Variants in FBXW7 observed in about 807,000 individuals in gnomAD.
The protein encoded by FBXW7 is F-box/WD repeat-containing protein 7.
In FBXW7, 11 loss-of-function variants were observed where a neutral mutation model predicts 86.3. The observed-to-expected ratio is 0.13, with a 90% CI of 0.08 to 0.21. FBXW7 has a LOEUF of 0.21. Among genes scored for constraint, FBXW7 ranks in the 10% least tolerant of loss-of-function variants. The probability of loss-of-function intolerance (pLI) is 1.00; values close to 1 mark genes in which losing one functional copy is unlikely to be tolerated. For synonymous variants in FBXW7, 313 were observed against 297.9 expected (o/e 1.05, Z -0.52); for missense variants, 488 against 847.4 (o/e 0.58, Z 5.27).
intron 2 of FBXW7, among the ~76,000 whole-genome samples, chr4:152,477,980 G>C (rs1213202192): frequency 1.3e-5 from 2 of 151,866 alleles, no homozygotes; most frequent in Non-Finnish European, 2.9e-5. Context: ...TTTCAAAGAG[G>C]CAGCAATGAA....
chr4:152,362,407 C>G (rs552848948), intron 4 of FBXW7, among the ~76,000 whole-genome samples: 1 of 152,188 alleles, frequency 6.6e-6, no homozygotes, highest in Admixed American at 6.5e-5. Context: ...TCTTAAAATT[C>G]CAGTATTTTT....
Position 152,411,471 on chromosome 4 carries a change from C to A in FBXW7, c.333G>T (p.Glu111Asp), listed in dbSNP as rs2126878602. 1 of 1,613,540 alleles carries A rather than the reference C, an allele frequency of 6.2e-7. No individual in the cohort carries two copies. The highest frequency in any genetic ancestry group is 1.7e-5 in the Admixed American group (1 of 59,934). Residue 111 changes from glutamate to aspartate, a missense_variant, in exon 4 of 14, where the codon GAG (glutamate) becomes GAT (aspartate). Glu to Asp is a conservative substitution (Grantham distance 45, BLOSUM62 2). This residue lies in a region of FBXW7 where 230 missense variants were observed against 240.0 expected (regional missense o/e 0.96). Coordinates refer to ENST00000281708, the MANE Select transcript of FBXW7 (RefSeq NM_001349798.2). The stretch of plus-strand genomic sequence containing the variant: ...GGTCCATCTCCTCCTCCTCCTCATC[C>A]TCCTCATCTTGTTCACCAGCATGTT... ...DEEHAGEQDE[E>D]DEEEEEMDQE... is the part of the protein sequence containing the mutation.
chr4:152,343,469 T>C (rs1011712535), intron 6 of FBXW7, among the ~76,000 whole-genome samples: 6 of 152,168 alleles, frequency 3.9e-5, no homozygotes, highest in African/African-American at 1.4e-4. Flanking sequence ...AACTTTTTAA[T>C]GTTATGTGTT....
intron 4 of FBXW7, among the ~76,000 whole-genome samples, chr4:152,382,907 T>A (rs1057435654): frequency 6.6e-6 from 1 of 152,144 alleles, no homozygotes; most frequent in Non-Finnish European, 1.5e-5. Flanking sequence ...CACATATGTA[T>A]GTTTGTTCTA....
rs572787553 is a variant in FBXW7, at chr4:152,411,219, T to C, written c.501+84A>G. 8.4e-6 allele frequency: 12 copies of C among 1,436,248 alleles called. No homozygotes were observed. The African/African-American group carries it at 1.6e-4, about 19-fold the overall frequency. The allele number at this position is 1,436,248 out of a possible 1,614,324, so 89.0% of individuals were successfully genotyped here. A position where few individuals can be genotyped will look rare whatever the true frequency, so the allele number is the denominator to read the frequency against. Reference sequence around the variant, plus strand: ...ACATCTTAAGATTAATTTTTAGTAATACAAAGACTGTGAGGAAAGTTTCAT... The same window carrying C: ...ACATCTTAAGATTAATTTTTAGTAACACAAAGACTGTGAGGAAAGTTTCAT... On this transcript the variant is annotated intron_variant, in intron 4 of 13. Coordinates refer to ENST00000281708, the MANE Select transcript of FBXW7 (RefSeq NM_001349798.2).
chr4:152,410,906 T>C (rs1221490689), intron 4 of FBXW7, among the ~76,000 whole-genome samples: 1 of 152,186 alleles, frequency 6.6e-6, no homozygotes, highest in Non-Finnish European at 1.5e-5. Context: ...AGAGTGACAC[T>C]TGTGAATAGC....
At chr4:152,332,770 T>G in intron 7 of FBXW7, 51 bp from the exon 8 acceptor site, 1 of 853,448 alleles carries the variant, frequency 1.2e-6, no homozygotes, top group Non-Finnish European at 1.5e-6. Flanking sequence ...AATATATATA[T>G]TATATAATAA....
chr4:152,352,085 ATACTTT>A (rs1731874661), intron 4 of FBXW7, among the ~76,000 whole-genome samples: 1 of 152,130 alleles, frequency 6.6e-6, no homozygotes, highest in Admixed American at 6.6e-5. Flanking sequence ...TCATGATTCT[ATACTTT>A]TAAAGAGTCA....
At chr4:152,510,758 T>C (rs937783393) in intron 2 of FBXW7, among the ~76,000 whole-genome samples, 1 of 152,234 alleles carries the variant, frequency 6.6e-6, no homozygotes, top group East Asian at 1.9e-4. Context: ...GGTCAGTCTA[T>C]TGAATAAGGC....
chr4:152,419,846 T>C (rs569895679), intron 2 of FBXW7, among the ~76,000 whole-genome samples: 1 of 152,210 alleles, frequency 6.6e-6, no homozygotes, highest in Non-Finnish European at 1.5e-5. Context: ...TTAAAAGGAC[T>C]ATACTGCTTA....
intron 2 of FBXW7, among the ~76,000 whole-genome samples, chr4:152,450,675 TA>T (rs1316298448): frequency 6.6e-6 from 1 of 152,202 alleles, no homozygotes; most frequent in Non-Finnish European, 1.5e-5. Context: ...AAAAAATGTA[TA>T]ACCTGTCCAT....
intron 6 of FBXW7, among the ~76,000 whole-genome samples, chr4:152,345,167 T>G (rs918971863): frequency 2.6e-5 from 4 of 152,164 alleles, no homozygotes; most frequent in Non-Finnish European, 1.5e-5. Context: ...TATTTTCGCC[T>G]CTTATTGACG....
chr4:152,450,102 C>T (rs188916108), intron 2 of FBXW7, among the ~76,000 whole-genome samples: 116 of 152,342 alleles, frequency 7.6e-4, no homozygotes, highest in African/African-American at 2.6e-3. Context: ...AGATCCAGCA[C>T]TGCCTCTGCC....
intron 6 of FBXW7, among the ~76,000 whole-genome samples, chr4:152,344,623 T>C (rs934995972): frequency 1.3e-5 from 2 of 151,808 alleles, no homozygotes; most frequent in African/African-American, 4.8e-5. Flanking sequence ...CAGCATGCGG[T>C]AACATTTGGA....
At chr4:152,343,709 T>C (rs1481880355) in intron 6 of FBXW7, among the ~76,000 whole-genome samples, 2 of 152,112 alleles carry the variant, frequency 1.3e-5, no homozygotes, top group Admixed American at 6.6e-5. Context: ...CTGAATGATA[T>C]AAACAAGCCA....
chr4:152,379,653 G>A (rs1426995967), intron 4 of FBXW7, among the ~76,000 whole-genome samples: 2 of 152,064 alleles, frequency 1.3e-5, no homozygotes, highest in South Asian at 2.1e-4. Context: ...AAAGTGTTGG[G>A]ATTACAGGCG....
At chr4:152,500,257 A>G (rs532790497) in intron 2 of FBXW7, among the ~76,000 whole-genome samples, 143 of 152,212 alleles carry the variant, frequency 9.4e-4, no homozygotes, top group African/African-American at 3.3e-3. Context: ...CTTCCTCTAT[A>G]TTATGCTATG....
chr4:152,402,372 A>T (rs1310873919), intron 4 of FBXW7, among the ~76,000 whole-genome samples: 1 of 152,158 alleles, frequency 6.6e-6, no homozygotes, highest in Non-Finnish European at 1.5e-5. Flanking sequence ...AGAGGGAGAA[A>T]AACAAACTTA....
intron 6 of FBXW7, among the ~76,000 whole-genome samples, chr4:152,338,445 C>G (rs1335739882): frequency 2.0e-5 from 3 of 151,962 alleles, no homozygotes; most frequent in Non-Finnish European, 2.9e-5. Context: ...ACAAATTAAA[C>G]AGGCTTTGAT....
Sources: gnomAD v4.1 joint callset for allele counts (sites outside exome capture counted in the v4.1 genomes callset) on GRCh38, gnomAD v4.1.1 for gene constraint, gnomAD v4.1.1 regional missense constraint, MANE v1.5 for transcripts, NCBI Gene and HGNC (gene_info 2026-07-23, HGNC 2026-07-21) for gene names.